SEPTIN6: variants seen among roughly 807,000 people sequenced by gnomAD.
The protein encoded by SEPTIN6 is septin-6.
SEPTIN6 carries 8 observed loss-of-function variants against 33.6 expected under a neutral mutation model. The ratio of observed to expected loss-of-function variants is 0.24; its 90% CI spans 0.14 to 0.43. SEPTIN6 has a LOEUF of 0.43. Among genes scored for constraint, SEPTIN6 ranks in the 20% least tolerant of loss-of-function variants. The probability of loss-of-function intolerance (pLI) is 1.00; values close to 1 mark genes in which losing one functional copy is unlikely to be tolerated. For synonymous variants in SEPTIN6, 131 were observed against 140.0 expected, an observed-to-expected ratio of 0.94 and a Z score of 0.45; for missense variants, 250 against 340.8, an observed-to-expected ratio of 0.73 and a Z score of 2.10.
At chrX:119,627,791 C>CTTTTT (rs973249197) in intron 9 of SEPTIN6, among the ~76,000 whole-genome samples, 4 of 73,674 alleles carry the variant, frequency 5.4e-5, no homozygotes, top group East Asian at 4.6e-4. Flanking sequence ...ATCTGCACTT[C>CTTTTT]TTTTTTTTTT....
At chrX:119,690,692 C>G (rs1003424701) in intron 1 of SEPTIN6, among the ~76,000 whole-genome samples, 2 of 98,485 alleles carry the variant, frequency 2.0e-5, no homozygotes, top group African/African-American at 7.7e-5. Context: ...CACTTGCACT[C>G]CAGCCTGGGC....
chrX:119,677,417 G>A (rs2054860164), intron 1 of SEPTIN6, among the ~76,000 whole-genome samples: 1 of 112,181 alleles, frequency 8.9e-6, no homozygotes, highest in Non-Finnish European at 1.9e-5. Context: ...GGACAGGGGA[G>A]AAGGGAGCTT....
chrX:119,645,968 G>A (rs765870195), intron 5 of SEPTIN6, among the ~76,000 whole-genome samples: 4 of 112,212 alleles, frequency 3.6e-5, no homozygotes, highest in Admixed American at 9.4e-5. Flanking sequence ...TCCAATTGGC[G>A]TGAGTTACTT....
chrX:119,649,597 C>T (rs1394635211), intron 5 of SEPTIN6, among the ~76,000 whole-genome samples: 1 of 109,697 alleles, frequency 9.1e-6, no homozygotes. Context: ...AAGGGGTCAG[C>T]GTGGTGGCTC....
intron 5 of SEPTIN6, among the ~76,000 whole-genome samples, chrX:119,645,721 G>A (rs918162705): frequency 9.9e-5 from 11 of 111,153 alleles, no homozygotes; most frequent in African/African-American, 3.6e-4. Flanking sequence ...TAGTAGAGAC[G>A]GGGTTTCACC....
rs189910970 is a variant in SEPTIN6, at chrX:119,664,294, C to T, written c.146-617G>A. Among the ~76,000 whole-genome samples the T allele has an allele frequency of 8.2e-3, 911 of 111,001 alleles. 9 individuals are homozygous for T. The highest frequency in any genetic ancestry group is 0.028 in the African/African-American group (869 of 30,594). On this transcript the variant is annotated intron_variant, in intron 2 of 10. Transcript: ENST00000394610. ...ACCGCACCTGGCCAAGTATACGTTG[C>T]TTTTATAGTCAGAAAAAGAAATTAT... is the stretch of plus-strand genomic sequence containing the variant.
intron 3 of SEPTIN6, among the ~76,000 whole-genome samples, chrX:119,659,365 G>A (rs1388555398): frequency 3.6e-5 from 4 of 111,228 alleles, no homozygotes; most frequent in African/African-American, 1.3e-4. Flanking sequence ...CAGCAATCAC[G>A]GTAATCTGGC....
intron 8 of SEPTIN6, among the ~76,000 whole-genome samples, chrX:119,629,777 A>G (rs1465630594): frequency 8.9e-6 from 1 of 112,288 alleles, no homozygotes; most frequent in Non-Finnish European, 1.9e-5. Flanking sequence ...TGTTAAAAAG[A>G]GTCCCCATAG....
chrX:119,658,829 ATTTG>A (rs1249234213), intron 3 of SEPTIN6, among the ~76,000 whole-genome samples: 1 of 112,214 alleles, frequency 8.9e-6, no homozygotes, highest in African/African-American at 3.2e-5. Flanking sequence ...TCTGTAAATT[ATTTG>A]TTTATTTCTC....
chrX:119,649,798 G>A lies in SEPTIN6; in HGVS notation c.690+139C>T, dbSNP rs1363322307. 1.7e-5 allele frequency: 10 copies of A among 599,051 alleles called. No homozygotes were observed. The Admixed American group carries it at 3.1e-4, about 19-fold the overall frequency. The allele number at this position is 599,051 out of a possible 1,213,427, so 49.4% of individuals were successfully genotyped here. ...AGGCGGGAGGATCCCTTGAGCCCAG[G>A]AGTTCAAGGCTGCAGTGAGTTGTGA... On this transcript the variant is annotated intron_variant, in intron 5 of 10. Transcript: ENST00000394610.
chrX:119,654,944 T>C (rs182434605), intron 3 of SEPTIN6, among the ~76,000 whole-genome samples: 4 of 111,909 alleles, frequency 3.6e-5, no homozygotes, highest in Non-Finnish European at 7.5e-5. Context: ...ATGTATCCCC[T>C]AGGCTTATTT....
Position 119,659,390 on chromosome X carries a change from C to T in SEPTIN6, c.341+4092G>A, listed in dbSNP as rs1035803095. Among the ~76,000 whole-genome samples, 34 of 111,627 alleles carry T rather than the reference C, an allele frequency of 3.0e-4. 1 individual carries two copies. In the Admixed American group the frequency reaches 3.1e-3, roughly 10 times the overall value. ...GGTAATCTGGCTTCCACCCACAGTT[C>T]CCCTCGAATTATTATTCTGAAATGT... On this transcript the variant is annotated intron_variant, in intron 3 of 10. Coordinates refer to ENST00000394610, the MANE Select transcript of SEPTIN6 (RefSeq NM_145799.4).
chrX:119,655,507 C>T (rs147962183), intron 3 of SEPTIN6, among the ~76,000 whole-genome samples: 12 of 111,368 alleles, frequency 1.1e-4, no homozygotes, highest in African/African-American at 3.9e-4. Flanking sequence ...CTAAGTGACA[C>T]CTGACTATCC....
intron 3 of SEPTIN6, among the ~76,000 whole-genome samples, chrX:119,660,376 C>T (rs915022545): frequency 2.5e-4 from 28 of 112,471 alleles, no homozygotes; most frequent in African/African-American, 7.8e-4. Context: ...CTTACTCCAC[C>T]CCTGCTCCTC....
intron 9 of SEPTIN6, 124 bp from the exon 10 acceptor site, chrX:119,625,503 G>C: frequency 1.6e-6 from 1 of 612,553 alleles, no homozygotes; most frequent in East Asian, 3.4e-5. Context: ...AAGGGGAAGT[G>C]GGAAGGGTGG....
At chrX:119,669,559 G>A (rs2054706699) in intron 2 of SEPTIN6, among the ~76,000 whole-genome samples, 1 of 112,016 alleles carries the variant, frequency 8.9e-6, no homozygotes, top group African/African-American at 3.2e-5. Flanking sequence ...TGGTGTGCTG[G>A]AGCCGGCTCG....
intron 3 of SEPTIN6, among the ~76,000 whole-genome samples, chrX:119,663,254 C>A (rs983809353): frequency 9.0e-6 from 1 of 111,680 alleles, no homozygotes; most frequent in African/African-American, 3.3e-5. Context: ...CCCATGTATA[C>A]TAGAAAGACA....
At chrX:119,636,024 T>C (rs11796099) in intron 7 of SEPTIN6, among the ~76,000 whole-genome samples, 3,398 of 111,101 alleles carry the variant, frequency 0.031, 42 homozygotes, top group South Asian at 0.064. Flanking sequence ...CAAATGCAGA[T>C]GAAAGCTGCA....
chrX:119,616,676 A>G, downstream of SEPTIN6: 2 of 1,184,645 alleles, frequency 1.7e-6, no homozygotes, highest in Non-Finnish European at 2.3e-6. Context: ...TGGAACCCTA[A>G]CTCTTCTATA....
Sources: gnomAD v4.1 joint callset for allele counts (sites outside exome capture counted in the v4.1 genomes callset) on GRCh38, gnomAD v4.1.1 for gene constraint, MANE v1.5 for transcripts, NCBI Gene and HGNC (gene_info 2026-07-23, HGNC 2026-07-21) for gene names.